Variants in KCNT1 observed in about 807,000 individuals in gnomAD.
KCNT1 encodes potassium channel subfamily T member 1.
In KCNT1, 78 loss-of-function variants were observed where a neutral mutation model predicts 147.8. The ratio of observed to expected loss-of-function variants is 0.53; its 90% CI spans 0.44 to 0.64. The LOEUF is 0.64. KCNT1 is among the 30% of genes least tolerant of loss of function. The probability of loss-of-function intolerance (pLI) is 0.00; values close to 1 mark genes in which losing one functional copy is unlikely to be tolerated. For missense variants in KCNT1, 1,419 were observed against 1,750.3 expected, an observed-to-expected ratio of 0.81 and a Z score of 3.38; for synonymous variants, 867 against 748.8, an observed-to-expected ratio of 1.16 and a Z score of -2.58.
In KCNT1 at chr9:135,720,019, C is replaced by T. The variant is rs1011880299; in HGVS notation, c.254+5299C>T. Among the ~76,000 whole-genome samples the T allele has an allele frequency of 4.6e-5, 7 of 152,132 alleles. No individual in the cohort carries two copies. In the East Asian group the frequency reaches 9.6e-4, roughly 21 times the overall value. ...TGAGAAGTGGACCACAAACAGGGCC[C>T]GGCATTGCTGGGAACACGGGGCAGC... On this transcript the variant is annotated intron_variant, in intron 2 of 30. Transcript: ENST00000371757.
At chr9:135,738,247 C>T (rs760302130) in intron 2 of KCNT1, among the ~76,000 whole-genome samples, 40 of 152,214 alleles carry the variant, frequency 2.6e-4, no homozygotes, top group Non-Finnish European at 5.3e-4. Context: ...CATGGGTGGC[C>T]TCGCTCATCC....
At chr9:135,733,188 C>CT (rs1830180274) in intron 2 of KCNT1, among the ~76,000 whole-genome samples, 1 of 144,360 alleles carries the variant, frequency 6.9e-6, no homozygotes, top group African/African-American at 2.6e-5. Context: ...TACCTGCCCC[C>CT]GCACCTGCCC....
At position 135,760,009 on chromosome 9, in the gene KCNT1, G is replaced by A. The variant is rs1831809003; in HGVS notation, c.1035+150G>A. 2.6e-5 allele frequency: 18 copies of A among 692,250 alleles called. No individual in the cohort carries two copies. In the South Asian group the frequency reaches 3.8e-4, roughly 15 times the overall value. 42.9% of individuals were successfully genotyped at this position (692,250 alleles called of 1,614,324 possible). A position where few individuals can be genotyped will look rare whatever the true frequency, so the allele number is the denominator to read the frequency against. On this transcript the variant is annotated intron_variant, in intron 11 of 30. Coordinates refer to ENST00000371757, the MANE Select transcript of KCNT1 (RefSeq NM_020822.3). ...CCAGGCGGGTGGTGCCTGCTCCGTT[G>A]CACGCCCCCACTGAGGGTCTACGGC... is the stretch of plus-strand genomic sequence containing the variant.
At chr9:135,757,002 C>A (rs56148006) in intron 7 of KCNT1, 70 bp downstream of exon 7, 49 of 1,006,434 alleles carry the variant, frequency 4.9e-5, no homozygotes, top group Non-Finnish European at 6.7e-5. Flanking sequence ...GCCTCCCCCA[C>A]CTCCCCCACC....
At chr9:135,785,021 G>A (rs1171758905) in intron 27 of KCNT1, 132 bp downstream of exon 27, 4 of 1,389,906 alleles carry the variant, frequency 2.9e-6, no homozygotes, top group Non-Finnish European at 3.9e-6. Flanking sequence ...CACCTTCAGT[G>A]TCAGGGACCT....
intron 2 of KCNT1, among the ~76,000 whole-genome samples, chr9:135,732,053 C>T (rs1456173612): frequency 2.2e-5 from 2 of 91,550 alleles, no homozygotes; most frequent in Non-Finnish European, 4.5e-5. Flanking sequence ...GAGTCTCACT[C>T]TGTCATCCAG....
Position 135,792,316 on chromosome 9 carries a change from ATGCGGGGGGAGGG to A in KCNT1, c.*156_*168del. 2 of 982,234 alleles carry A rather than the reference ATGCGGGGGGAGGG, an allele frequency of 2.0e-6. No individual in the cohort carries two copies. Among genetic ancestry groups the A allele is most frequent in the Non-Finnish European group, 2.9e-6 (2 of 693,744 alleles). 60.8% of individuals were successfully genotyped at this position (982,234 alleles called of 1,614,324 possible). On this transcript the variant is annotated 3_prime_UTR_variant, in exon 31 of 31. Transcript: ENST00000371757. ...ACTCCACCCTGGAAAGGAGCCCCTC[ATGCGGGGGGAGGG>A]CCAGCTCACCCCTGGGCACCTGCAG... is the stretch of plus-strand genomic sequence containing the variant.
Position 135,768,868 on chromosome 9 carries a change from T to G in KCNT1, c.1441T>G (p.Phe481Val), listed in dbSNP as rs1260538922. 1 of 1,613,350 alleles carries G rather than the reference T, an allele frequency of 6.2e-7. No homozygotes were observed. Among genetic ancestry groups the G allele is most frequent in the African/African-American group, 1.3e-5 (1 of 75,044 alleles). The part of the protein sequence containing the change: ...TILRAWAVKD[F>V]APNCPLYVQI... ...CCTGCGCGCCTGGGCCGTGAAGGAC[T>G]TCGCCCCCAACTGCCCCCTCTACGT... Residue 481 changes from phenylalanine (F) to valine (V), a missense_variant, in exon 15 of 31, where the codon TTC becomes GTC. By Grantham distance (50) the Phe-to-Val change is conservative. Around this residue, in one of 5 missense-constraint regions of KCNT1, gnomAD observed 401 missense variants for 610.6 expected, o/e 0.66. Transcript: ENST00000371757.
rs1007894320 is a variant in KCNT1, at chr9:135,791,725, C to T, written c.3503-72C>T. 26 of 1,327,494 alleles carry T rather than the reference C, an allele frequency of 2.0e-5. No individual in the cohort carries two copies. In the African/African-American group the frequency reaches 3.2e-4, roughly 16 times the overall value. The allele number at this position is 1,327,494 out of a possible 1,614,324, so 82.2% of individuals were successfully genotyped here. ...CTCAGCTCATCCTGGAGCCCCCACA[C>T]CTCTGGGCCCCTGCAGAGCTGGGAG... is the stretch of plus-strand genomic sequence containing the variant. On this transcript the variant is annotated intron_variant, in intron 29 of 30. Coordinates refer to ENST00000371757, the MANE Select transcript of KCNT1 (RefSeq NM_020822.3).
At position 135,778,452 on chromosome 9, in the gene KCNT1, T is replaced by C. The variant is rs1254342881; in HGVS notation, c.2551T>C (p.Cys851Arg). 6.4e-7 allele frequency: 1 copy of C among 1,553,174 alleles called. No individual in the cohort carries two copies. The highest frequency in any genetic ancestry group is 2.4e-5 in the East Asian group (1 of 41,064). Residue 851 changes from cysteine to arginine, a missense_variant, in exon 22 of 31, where the codon TGC (cysteine) becomes CGC (arginine). Physicochemically the swap from Cys to Arg is radical, Grantham distance 180. This residue lies in a region of KCNT1 where 247 missense variants were observed against 397.1 expected (regional missense o/e 0.62). Transcript: ENST00000371757. ...CGACCACCACTTCCTGGAAGCCATC[T>C]GCTGCTTCCCCATGGTCTACTACAT... ...KPDHHFLEAI[C>R]CFPMVYYMEG...
At chr9:135,717,831 G>A (rs1052738327) in intron 2 of KCNT1, among the ~76,000 whole-genome samples, 2 of 152,236 alleles carry the variant, frequency 1.3e-5, no homozygotes, top group South Asian at 4.1e-4. Context: ...GGCCTGAAGG[G>A]TTTCTCTTCC....
chr9:135,709,624 TCTTTA>T (rs1413475514), intron 1 of KCNT1, among the ~76,000 whole-genome samples: 3 of 152,200 alleles, frequency 2.0e-5, no homozygotes, highest in African/African-American at 7.2e-5. Context: ...AGGTGGCTTG[TCTTTA>T]CTTGTGCGTT....
chr9:135,791,985 TG>T, intron 30 of KCNT1, 55 bp from the exon 31 acceptor site: 1 of 1,605,628 alleles, frequency 6.2e-7, no homozygotes, highest in East Asian at 2.2e-5. Flanking sequence ...AGCAGAGGGC[TG>T]AGCAGGGGCT....
intron 1 of KCNT1, among the ~76,000 whole-genome samples, chr9:135,711,128 C>T (rs1438640062): frequency 1.3e-5 from 2 of 152,234 alleles, no homozygotes; most frequent in Admixed American, 1.3e-4. Context: ...CTTCATGACT[C>T]CTTGCTTTTA....
At chr9:135,753,786 C>A in intron 4 of KCNT1, 151 bp from the exon 5 acceptor site, 1 of 728,348 alleles carries the variant, frequency 1.4e-6, no homozygotes, top group Non-Finnish European at 2.4e-6. Flanking sequence ...TGCCTTGTCT[C>A]CCAGGTGTTA....
At chr9:135,765,573 G>T in intron 12 of KCNT1, 51 bp from the exon 13 acceptor site, 1 of 1,571,360 alleles carries the variant, frequency 6.4e-7, no homozygotes, top group Non-Finnish European at 8.7e-7. Flanking sequence ...AGGGCCGCCC[G>T]GGCGGGGCAG....
chr9:135,753,861 G>C, intron 4 of KCNT1, 76 bp from the exon 5 acceptor site: 1 of 1,524,012 alleles, frequency 6.6e-7, no homozygotes, highest in Non-Finnish European at 9.1e-7. Context: ...CCGAGCCTGT[G>C]GAAGCCCTCG....
intron 1 of KCNT1, among the ~76,000 whole-genome samples, chr9:135,706,766 CA>C (rs1835274327): frequency 6.6e-6 from 1 of 152,184 alleles, no homozygotes; most frequent in African/African-American, 2.4e-5. Flanking sequence ...CCACACCCAG[CA>C]GCTTTCCAGT....
intron 1 of KCNT1, among the ~76,000 whole-genome samples, chr9:135,710,495 G>C (rs1445163764): frequency 6.6e-6 from 1 of 152,218 alleles, no homozygotes; most frequent in Non-Finnish European, 1.5e-5. Context: ...ACCGTGACTT[G>C]AGTCAGGACA....
Sources: gnomAD v4.1 joint callset for allele counts (sites outside exome capture counted in the v4.1 genomes callset) on GRCh38, gnomAD v4.1.1 for gene constraint, gnomAD v4.1.1 regional missense constraint, MANE v1.5 for transcripts, NCBI Gene and HGNC (gene_info 2026-07-23, HGNC 2026-07-21) for gene names.